Variants in CCDC171 observed in about 807,000 individuals in gnomAD.
The protein encoded by CCDC171 is coiled-coil domain containing 171, also known as coiled-coil domain-containing protein 171.
Under a neutral mutation model 168.2 loss-of-function variants are expected in CCDC171, and 177 were observed. The ratio of observed to expected loss-of-function variants is 1.05; its 90% CI spans 0.93 to 1.19. The LOEUF is 1.19. Among genes scored for constraint, CCDC171 ranks in the 50% most tolerant of loss-of-function variants. The pLI is 0.00. For synonymous variants in CCDC171, 687 were observed against 540.8 expected, an observed-to-expected ratio of 1.27 and a Z score of -3.75; for missense variants, 1,991 against 1,539.0, an observed-to-expected ratio of 1.29 and a Z score of -4.91.
chr9:15,915,777 G>A (rs1038463217), intron 24 of CCDC171, among the ~76,000 whole-genome samples: 1 of 152,010 alleles, frequency 6.6e-6, no homozygotes, highest in African/African-American at 2.4e-5. Context: ...CTATGTTGAG[G>A]CCTCTCCCTT....
chr9:15,818,255 C>T lies in CCDC171; in HGVS notation c.3268-28447C>T, dbSNP rs1486432650. Among the ~76,000 whole-genome samples the T allele has an allele frequency of 1.6e-4, 19 of 116,828 alleles. 5 individuals are homozygous for T. The highest frequency in any genetic ancestry group is 6.1e-4 in the African/African-American group (19 of 30,950). 76.6% of individuals were successfully genotyped at this position (116,828 alleles called of 152,430 possible). A position where few individuals can be genotyped will look rare whatever the true frequency, so the allele number is the denominator to read the frequency against. ...CCACAAAGATAGGGAAAAAACAGAGCAGAAATACTGGAAACTGTAAAAAAC... is the reference window on the plus strand; with the variant it reads ...CCACAAAGATAGGGAAAAAACAGAGTAGAAATACTGGAAACTGTAAAAAAC... On this transcript the variant is annotated intron_variant, in intron 21 of 25. Transcript: ENST00000380701.
chr9:16,072,172 C>T, the CCDC171 span, among the ~76,000 whole-genome samples: 7 of 152,242 alleles, frequency 4.6e-5, no homozygotes, highest in African/African-American at 1.4e-4. Context: ...ACAGAAGTTC[C>T]GAGATTGTAA....
the CCDC171 span, among the ~76,000 whole-genome samples, chr9:16,108,649 C>T: frequency 2.6e-5 from 4 of 152,180 alleles, no homozygotes; most frequent in African/African-American, 9.7e-5. Context: ...TATACTCAGT[C>T]CGAATAAACC....
At chr9:15,657,547 G>C (rs139374491) in intron 8 of CCDC171, among the ~76,000 whole-genome samples, 2 of 152,192 alleles carry the variant, frequency 1.3e-5, no homozygotes, top group African/African-American at 4.8e-5. Flanking sequence ...GCAGATTGGA[G>C]TGTTCTTTTA....
intron 6 of CCDC171, among the ~76,000 whole-genome samples, chr9:16,034,764 G>C (rs1833432218): frequency 6.6e-6 from 1 of 152,162 alleles, no homozygotes; most frequent in African/African-American, 2.4e-5. Context: ...AAGCTTCCCT[G>C]GATCTCAGAT....
At chr9:16,076,243 AT>A in the CCDC171 span, among the ~76,000 whole-genome samples, 103 of 152,124 alleles carry the variant, frequency 6.8e-4, no homozygotes, top group Non-Finnish European at 3.4e-4. Context: ...GGGACAGGTA[AT>A]TATCCCTCAG....
At chr9:15,568,845 T>C (rs539242754) in intron 2 of CCDC171, among the ~76,000 whole-genome samples, 1 of 152,210 alleles carries the variant, frequency 6.6e-6, no homozygotes, top group Non-Finnish European at 1.5e-5. Flanking sequence ...TCCCATTCTC[T>C]AGGCTGTTTA....
chr9:15,897,517 A>G (rs2131587557), intron 24 of CCDC171, among the ~76,000 whole-genome samples: 1 of 152,250 alleles, frequency 6.6e-6, no homozygotes, highest in Non-Finnish European at 1.5e-5. Context: ...AGTTCCCAAG[A>G]AAATATCATT....
intron 3 of CCDC171, among the ~76,000 whole-genome samples, chr9:15,992,634 C>T (rs913298902): frequency 2.0e-5 from 3 of 151,952 alleles, no homozygotes; most frequent in Admixed American, 6.6e-5. Context: ...TATTCAACTA[C>T]GAAAAGAGGA....
chr9:15,754,886 A>G (rs2056000952), intron 18 of CCDC171, among the ~76,000 whole-genome samples: 1 of 152,200 alleles, frequency 6.6e-6, no homozygotes, highest in African/African-American at 2.4e-5. Flanking sequence ...TAACAGAATA[A>G]TAAATAGATT....
At chr9:15,565,028 CAT>C (rs928572385) in intron 2 of CCDC171, among the ~76,000 whole-genome samples, 1 of 151,276 alleles carries the variant, frequency 6.6e-6, no homozygotes, top group Non-Finnish European at 1.5e-5. Context: ...CCAAGACTAA[CAT>C]GTAATTTACC....
chr9:15,853,544 G>A (rs9406546), intron 23 of CCDC171, among the ~76,000 whole-genome samples: 130,191 of 151,482 alleles, frequency 0.86, 56,029 homozygotes, highest in East Asian at 0.99. Flanking sequence ...TTATCTATGA[G>A]TATAGTTTTA....
chr9:15,625,133 C>A (rs1447723919), intron 7 of CCDC171, among the ~76,000 whole-genome samples: 1 of 152,184 alleles, frequency 6.6e-6, no homozygotes, highest in East Asian at 1.9e-4. Context: ...AGTGTCTGTT[C>A]ATATCCTTCG....
intron 6 of CCDC171, among the ~76,000 whole-genome samples, chr9:16,023,176 T>G (rs1833208831): frequency 6.6e-6 from 1 of 152,082 alleles, no homozygotes; most frequent in Admixed American, 6.5e-5. Flanking sequence ...CATTGTATTC[T>G]GTTTTCCCTT....
At chr9:15,715,349 C>G (rs1220603758) in intron 11 of CCDC171, among the ~76,000 whole-genome samples, 1 of 152,118 alleles carries the variant, frequency 6.6e-6, no homozygotes, top group African/African-American at 2.4e-5. Context: ...TATTTATAAA[C>G]TTAGTGATTA....
intron 1 of CCDC171, among the ~76,000 whole-genome samples, chr9:16,046,646 A>G (rs1586858556): frequency 6.6e-6 from 1 of 152,198 alleles, no homozygotes; most frequent in East Asian, 1.9e-4. Flanking sequence ...TTTCTCCCAT[A>G]CTGTCCTCAT....
intron 11 of CCDC171, among the ~76,000 whole-genome samples, chr9:15,700,852 C>A (rs1032047565): frequency 1.3e-5 from 2 of 151,974 alleles, no homozygotes; most frequent in Non-Finnish European, 2.9e-5. Context: ...TACATTCCCA[C>A]CAACAATGTA....
At chr9:15,916,853 T>G (rs1824597255) in intron 24 of CCDC171, among the ~76,000 whole-genome samples, 1 of 152,004 alleles carries the variant, frequency 6.6e-6, no homozygotes, top group African/African-American at 2.4e-5. Flanking sequence ...AAACTGTCTT[T>G]TGTTCTTCAT....
chr9:15,651,264 A>G (rs1405320346), intron 7 of CCDC171, among the ~76,000 whole-genome samples: 1 of 151,860 alleles, frequency 6.6e-6, no homozygotes, highest in Non-Finnish European at 1.5e-5. Context: ...GCCCGCTACG[A>G]CACCTAGCTA....
Sources: allele counts gnomAD v4.1 joint callset (sites outside exome capture counted in the v4.1 genomes callset), GRCh38; gene constraint gnomAD v4.1.1; transcripts MANE v1.5; gene names NCBI Gene and HGNC (gene_info 2026-07-23, HGNC 2026-07-21).